SEMA5A: variants seen among roughly 807,000 people sequenced by gnomAD.
The protein encoded by SEMA5A is semaphorin 5A.
A neutral mutation model predicts 135.5 loss-of-function variants in SEMA5A; 55 were observed. That is an observed-to-expected ratio of 0.41 (90% CI 0.33 to 0.51). The LOEUF (loss-of-function observed/expected upper bound fraction) is 0.51. Ranked by LOEUF, SEMA5A falls within the 20% of genes least tolerant of loss-of-function variation. SEMA5A has a pLI of 0.37. For missense variants in SEMA5A, 1,290 were observed against 1,419.9 expected (o/e 0.91, Z 1.47); for synonymous variants, 580 against 546.5 (o/e 1.06, Z -0.85).
At chr5:9,419,990 G>T (rs1757410070) in intron 2 of SEMA5A, among the ~76,000 whole-genome samples, 1 of 152,168 alleles carries the variant, frequency 6.6e-6, no homozygotes, top group Non-Finnish European at 1.5e-5. Flanking sequence ...GTTTCAGGAT[G>T]TGTACTGTTG....
At chr5:9,155,585 A>C (rs1031055847) in intron 11 of SEMA5A, among the ~76,000 whole-genome samples, 3 of 152,184 alleles carry the variant, frequency 2.0e-5, no homozygotes, top group Admixed American at 2.0e-4. Flanking sequence ...AAGTACCTGG[A>C]ATCATCCTGA....
intron 12 of SEMA5A, among the ~76,000 whole-genome samples, chr5:9,143,996 T>A (rs563698135): frequency 6.6e-6 from 1 of 152,208 alleles, no homozygotes; most frequent in Admixed American, 6.5e-5. Flanking sequence ...ACATAAACCT[T>A]CCATGGTTCC....
intron 18 of SEMA5A, among the ~76,000 whole-genome samples, chr5:9,059,221 G>A (rs1191598637): frequency 6.6e-6 from 1 of 151,222 alleles, no homozygotes; most frequent in African/African-American, 2.4e-5. Flanking sequence ...CAAACTCTGA[G>A]GTTGCTTTCC....
At chr5:9,365,061 A>G (rs1351722647) in intron 3 of SEMA5A, among the ~76,000 whole-genome samples, 1 of 152,194 alleles carries the variant, frequency 6.6e-6, no homozygotes, top group Non-Finnish European at 1.5e-5. Flanking sequence ...GGGTTTTATC[A>G]CAGGGGAGAC....
rs368864006 is a variant in SEMA5A at position 9,353,162 on chromosome 5, G to GAAAGGAAAGGAAAGGAAAGGAAAGGA, written c.125-15351_125-15350insTCCTTTCCTTTCCTTTCCTTTCCTTT. The stretch of plus-strand genomic sequence containing the variant: ...GAAAGGAAAGGAAAGGAAAGGAAAG[G>GAAAGGAAAGGAAAGGAAAGGAAAGGA]AGGGAAAGGAAGGGAAAGGAAGGGA... On this transcript the variant is annotated intron_variant, in intron 3 of 22. Transcript: ENST00000382496. Among the ~76,000 whole-genome samples, 18 of 23,532 alleles carry GAAAGGAAAGGAAAGGAAAGGAAAGGA rather than the reference G, an allele frequency of 7.6e-4. 2 individuals carry two copies. The highest frequency in any genetic ancestry group is 2.2e-3 in the Admixed American group (3 of 1,360). 15.4% of individuals were successfully genotyped at this position (23,532 alleles called of 152,430 possible). A position where few individuals can be genotyped will look rare whatever the true frequency, so the allele number is the denominator to read the frequency against.
At chr5:9,213,979 G>A (rs1189349919) in intron 8 of SEMA5A, among the ~76,000 whole-genome samples, 1 of 151,468 alleles carries the variant, frequency 6.6e-6, no homozygotes, top group Non-Finnish European at 1.5e-5. Flanking sequence ...GTAGTATGGG[G>A]GAAAGTGCAA....
chr5:9,179,408 G>A (rs1744382836), intron 11 of SEMA5A, among the ~76,000 whole-genome samples: 1 of 152,146 alleles, frequency 6.6e-6, no homozygotes. Flanking sequence ...AAGGTGGAGA[G>A]GAAGCAAGAG....
chr5:9,240,822 C>T (rs1017915578), intron 5 of SEMA5A, among the ~76,000 whole-genome samples: 9 of 152,062 alleles, frequency 5.9e-5, no homozygotes, highest in African/African-American at 1.7e-4. Context: ...TGAGAAGCCA[C>T]GTGTCCACTT....
At chr5:9,511,841 A>G (rs1040972575) in intron 1 of SEMA5A, 1 of 152,188 alleles carries the variant, frequency 6.6e-6, no homozygotes, top group African/African-American at 2.4e-5. Flanking sequence ...AAAATAAATT[A>G]AATAATAATG....
At chr5:9,140,714 TTC>T (rs1486857101) in intron 12 of SEMA5A, among the ~76,000 whole-genome samples, 1 of 152,218 alleles carries the variant, frequency 6.6e-6, no homozygotes, top group Non-Finnish European at 1.5e-5. Context: ...CATATGGGAA[TTC>T]TCTGTGTATG....
At chr5:9,263,563 G>GTC (rs1183881915) in intron 5 of SEMA5A, among the ~76,000 whole-genome samples, 1 of 152,138 alleles carries the variant, frequency 6.6e-6, no homozygotes, top group Admixed American at 6.5e-5. Flanking sequence ...CACGAAACTG[G>GTC]TCTCTGGTGT....
chr5:9,361,962 T>C (rs1754716127), intron 3 of SEMA5A, among the ~76,000 whole-genome samples: 1 of 152,158 alleles, frequency 6.6e-6, no homozygotes, highest in African/African-American at 2.4e-5. Flanking sequence ...CTCGAAGATT[T>C]GGTGTTAAGG....
chr5:9,427,955 G>GT (rs1757717997), intron 2 of SEMA5A, among the ~76,000 whole-genome samples: 1 of 151,792 alleles, frequency 6.6e-6, no homozygotes, highest in Non-Finnish European at 1.5e-5. Flanking sequence ...TTCTCTATCT[G>GT]TTTCTATATC....
intron 5 of SEMA5A, among the ~76,000 whole-genome samples, chr5:9,266,443 A>C (rs1048551931): frequency 6.6e-6 from 1 of 151,726 alleles, no homozygotes; most frequent in African/African-American, 2.4e-5. Flanking sequence ...AAATGACGAG[A>C]TACTACACAT....
Position 9,442,152 on chromosome 5 carries a change from CT to C in SEMA5A, c.-174-4301del, listed in dbSNP as rs1758260119. Among the ~76,000 whole-genome samples, 3 of 152,194 alleles carry C rather than the reference CT, an allele frequency of 2.0e-5. No individual in the cohort carries two copies. The South Asian group carries it at 6.2e-4, about 32-fold the overall frequency. On this transcript the variant is annotated intron_variant, in intron 1 of 22. Transcript: ENST00000382496. Reference sequence around the variant, plus strand: ...GTCACCTCTAAGACCTTAGAATGTCCTGCCTGATGAGAGACTTTGTTTTGGG... The same window carrying C: ...GTCACCTCTAAGACCTTAGAATGTCCGCCTGATGAGAGACTTTGTTTTGGG...
intron 16 of SEMA5A, among the ~76,000 whole-genome samples, chr5:9,100,978 T>G (rs1186756258): frequency 1.3e-5 from 2 of 152,172 alleles, no homozygotes; most frequent in African/African-American, 4.8e-5. Flanking sequence ...AGGAGAAAGA[T>G]GGGCATCACT....
At chr5:9,112,326 GTTCT>G (rs1280227760) in intron 15 of SEMA5A, among the ~76,000 whole-genome samples, 2 of 152,102 alleles carry the variant, frequency 1.3e-5, no homozygotes, top group African/African-American at 2.4e-5. Flanking sequence ...GCAATAAAGT[GTTCT>G]TTCTATTATA....
chr5:9,316,961 T>C (rs1442118727), intron 5 of SEMA5A, among the ~76,000 whole-genome samples: 1 of 152,140 alleles, frequency 6.6e-6, no homozygotes, highest in Non-Finnish European at 1.5e-5. Context: ...ACACCTTCCC[T>C]GACCTTCTGG....
intron 2 of SEMA5A, among the ~76,000 whole-genome samples, chr5:9,435,963 G>A (rs937713819): frequency 6.6e-6 from 1 of 152,190 alleles, no homozygotes; most frequent in Non-Finnish European, 1.5e-5. Flanking sequence ...ACTAAAATAT[G>A]ACTGTTCTTA....
Sources: allele counts gnomAD v4.1 joint callset (sites outside exome capture counted in the v4.1 genomes callset), GRCh38; gene constraint gnomAD v4.1.1; transcripts MANE v1.5; gene names NCBI Gene and HGNC (gene_info 2026-07-23, HGNC 2026-07-21).